Variants in PTPRD observed in about 807,000 individuals in gnomAD.
PTPRD encodes receptor-type tyrosine-protein phosphatase delta.
A neutral mutation model predicts 214.5 loss-of-function variants in PTPRD; 34 were observed. That is an observed-to-expected ratio of 0.16 (90% CI 0.12 to 0.21). The LOEUF (loss-of-function observed/expected upper bound fraction) is 0.21, where lower values mean the gene tolerates loss of function less well. PTPRD is among the 10% of genes least tolerant of loss of function. The pLI is 1.00. For synonymous variants in PTPRD, 1,128 were observed against 845.7 expected (o/e 1.33, Z -5.79); for missense variants, 2,545 against 2,398.7 (o/e 1.06, Z -1.27).
At chr9:10,316,206 CAT>C (rs562835235) in intron 3 of PTPRD, among the ~76,000 whole-genome samples, 4 of 147,040 alleles carry the variant, frequency 2.7e-5, no homozygotes, top group Admixed American at 6.9e-5. Flanking sequence ...GACACACACA[CAT>C]ATATGATAAA....
At chr9:9,295,800 T>C (rs1304097599) in intron 9 of PTPRD, among the ~76,000 whole-genome samples, 1 of 151,836 alleles carries the variant, frequency 6.6e-6, no homozygotes, top group Non-Finnish European at 1.5e-5. Context: ...GTGACTCTGG[T>C]GCATCCTAGA....
chr9:8,709,004 A>G (rs1312650947), intron 12 of PTPRD, among the ~76,000 whole-genome samples: 1 of 152,124 alleles, frequency 6.6e-6, no homozygotes, highest in African/African-American at 2.4e-5. Context: ...GCACAAAAAG[A>G]CAAATACTCC....
intron 4 of PTPRD, among the ~76,000 whole-genome samples, chr9:9,958,515 G>A (rs1293666109): frequency 2.0e-5 from 3 of 152,046 alleles, no homozygotes; most frequent in Non-Finnish European, 4.4e-5. Context: ...TGGGTGACAA[G>A]AGCAAAACTC....
intron 3 of PTPRD, among the ~76,000 whole-genome samples, chr9:10,190,421 C>A (rs4008066): frequency 0.28 from 14,404 of 51,462 alleles, 1,141 homozygotes; most frequent in African/African-American, 0.38. Context: ...AAAAAAAAAA[C>A]AAAAAGTCAA....
At chr9:9,521,692 T>C (rs2154255157) in intron 8 of PTPRD, among the ~76,000 whole-genome samples, 1 of 152,300 alleles carries the variant, frequency 6.6e-6, no homozygotes, top group Admixed American at 6.5e-5. Context: ...TACACATGTA[T>C]GGTCAGAAAA....
Position 9,848,824 on chromosome 9 carries a change from T to C in PTPRD, c.-367-81973A>G, listed in dbSNP as rs146976187. 4.2e-3 allele frequency among the ~76,000 whole-genome samples: 632 copies of C among 152,234 alleles called. 3 individuals are homozygous for C. Among genetic ancestry groups the C allele is most frequent in the African/African-American group, 0.014 (580 of 41,546 alleles). On this transcript the variant is annotated intron_variant, in intron 5 of 45. Transcript: ENST00000381196. ...CTTGTAAGAAAAAAACTAATAGCTA[T>C]TTGATCTTCAAGATGCCTAAGTATT... is the stretch of plus-strand genomic sequence containing the variant.
At position 10,314,748 on chromosome 9, in the gene PTPRD, A is replaced by T. The variant is rs186802739; in HGVS notation, c.-545+26215T>A. On this transcript the variant is annotated intron_variant, in intron 3 of 45. Coordinates refer to ENST00000381196, the MANE Select transcript of PTPRD (RefSeq NM_002839.4). ...GGAAACTTGCAAGAGTACAACAGTG[A>T]TCAACACTATCCACTAGCCACTATT... Among the ~76,000 whole-genome samples the T allele has an allele frequency of 5.9e-5, 9 of 152,086 alleles. No homozygotes were observed. The East Asian group carries it at 1.6e-3, about 26-fold the overall frequency.
At chr9:10,138,915 T>C (rs1484503773) in intron 3 of PTPRD, among the ~76,000 whole-genome samples, 2 of 152,026 alleles carry the variant, frequency 1.3e-5, no homozygotes, top group Non-Finnish European at 2.9e-5. Context: ...ATAAGAGCCA[T>C]CTATGACAAA....
In PTPRD at chr9:10,141,023, G is replaced by C. The variant is rs535654257; in HGVS notation, c.-544-107233C>G. 6.2e-3 allele frequency among the ~76,000 whole-genome samples: 945 copies of C among 152,142 alleles called. 7 individuals are homozygous for C. The highest frequency in any genetic ancestry group is 0.021 in the African/African-American group (854 of 41,478). On this transcript the variant is annotated intron_variant, in intron 3 of 45. Coordinates refer to ENST00000381196, the MANE Select transcript of PTPRD (RefSeq NM_002839.4). The stretch of plus-strand genomic sequence containing the variant: ...CCACATGATTATCTCAATAGATGCA[G>C]AAAAGGCCTTTGACAAAATTCAACA...
At chr9:9,154,105 A>G (rs1333562897) in intron 10 of PTPRD, among the ~76,000 whole-genome samples, 1 of 152,130 alleles carries the variant, frequency 6.6e-6, no homozygotes, top group Admixed American at 6.6e-5. Context: ...ACTGTCATCC[A>G]TGAGAAATGT....
At chr9:8,720,659 C>A (rs969304145) in intron 12 of PTPRD, among the ~76,000 whole-genome samples, 1 of 151,596 alleles carries the variant, frequency 6.6e-6, no homozygotes, top group Non-Finnish European at 1.5e-5. Flanking sequence ...ACTAGTCACA[C>A]AGAAATCAAA....
rs373143543 is a variant in PTPRD, at chr9:9,377,127, A to G, written c.-203+20322T>C. ...CAAAAGGAGTTAAAACAATTTTAAA[A>G]TAAAACATATAAAAACATCCAGTTA... On this transcript the variant is annotated intron_variant, in intron 9 of 45. Coordinates refer to ENST00000381196, the MANE Select transcript of PTPRD (RefSeq NM_002839.4). Among the ~76,000 whole-genome samples, 12 of 152,260 alleles carry G rather than the reference A, an allele frequency of 7.9e-5. No homozygotes were observed. In the South Asian group the frequency reaches 1.2e-3, roughly 16 times the overall value.
At chr9:9,933,429 T>C (rs574950736) in intron 5 of PTPRD, among the ~76,000 whole-genome samples, 6 of 151,814 alleles carry the variant, frequency 4.0e-5, no homozygotes, top group African/African-American at 1.5e-4. Flanking sequence ...GTTGCAATCC[T>C]AGTTTCTGAT....
rs149170657 is a variant in PTPRD at position 8,658,847 on chromosome 9, C to G, written c.65-22003G>C. Among the ~76,000 whole-genome samples, 4 of 152,036 alleles carry G rather than the reference C, an allele frequency of 2.6e-5. No individual in the cohort carries two copies. In the East Asian group the frequency reaches 7.8e-4, roughly 29 times the overall value. ...TACTACATTTCCTTGATACGGAATC[C>G]CTGATATATAAAATGACCAACATAA... On this transcript the variant is annotated intron_variant, in intron 12 of 45. Transcript: ENST00000381196.
At chr9:9,084,789 C>T (rs58261722) in intron 10 of PTPRD, among the ~76,000 whole-genome samples, 3 of 152,016 alleles carry the variant, frequency 2.0e-5, no homozygotes, top group African/African-American at 4.8e-5. Flanking sequence ...TCATAGTTCA[C>T]GGACTGTTGT....
chr9:8,663,544 G>A (rs1437867975), intron 12 of PTPRD, among the ~76,000 whole-genome samples: 1 of 152,098 alleles, frequency 6.6e-6, no homozygotes, highest in African/African-American at 2.4e-5. Flanking sequence ...AGGCTGGAGT[G>A]CAGTGGTGCG....
At chr9:10,157,244 AGT>A (rs1361746558) in intron 3 of PTPRD, among the ~76,000 whole-genome samples, 1 of 152,098 alleles carries the variant, frequency 6.6e-6, no homozygotes, top group African/African-American at 2.4e-5. Flanking sequence ...TGTGTACTTC[AGT>A]GTGTTTTTGT....
At chr9:9,675,561 T>C (rs2096913117) in intron 7 of PTPRD, among the ~76,000 whole-genome samples, 1 of 151,900 alleles carries the variant, frequency 6.6e-6, no homozygotes. Flanking sequence ...GACAGTCATA[T>C]ACATTCAAAG....
chr9:9,690,730 G>C (rs2097254647), intron 7 of PTPRD, among the ~76,000 whole-genome samples: 1 of 151,720 alleles, frequency 6.6e-6, no homozygotes, highest in Non-Finnish European at 1.5e-5. Flanking sequence ...CTGTTATTTT[G>C]CCAATGTACA....
Sources: allele counts gnomAD v4.1 joint callset (sites outside exome capture counted in the v4.1 genomes callset), GRCh38; gene constraint gnomAD v4.1.1; transcripts MANE v1.5; gene names NCBI Gene and HGNC (gene_info 2026-07-23, HGNC 2026-07-21).